Variants in AAK1 observed in about 807,000 individuals in gnomAD.
The protein encoded by AAK1 is AP2-associated protein kinase 1.
Under a neutral mutation model 116.0 loss-of-function variants are expected in AAK1, and 37 were observed. The observed-to-expected ratio is 0.32, with a 90% CI of 0.25 to 0.42. The LOEUF is 0.42. AAK1 is among the 10% of genes least tolerant of loss of function. The pLI is 1.00. For synonymous variants in AAK1, 458 were observed against 439.9 expected, an observed-to-expected ratio of 1.04 and a Z score of -0.51; for missense variants, 919 against 1,170.6, an observed-to-expected ratio of 0.79 and a Z score of 3.14.
At chr2:69,599,907 A>G (rs1291529911) in intron 2 of AAK1, among the ~76,000 whole-genome samples, 1 of 151,244 alleles carries the variant, frequency 6.6e-6, no homozygotes, top group Non-Finnish European at 1.5e-5. Context: ...CCTCCTGAAT[A>G]GTTGGAACTA....
intron 8 of AAK1, among the ~76,000 whole-genome samples, chr2:69,527,994 C>T (rs1461671297): frequency 6.6e-6 from 1 of 152,228 alleles, no homozygotes; most frequent in Non-Finnish European, 1.5e-5. Flanking sequence ...ATGCTCTGGA[C>T]ACTAAGTTCC....
chr2:69,504,397 C>CAA (rs57214954), intron 16 of AAK1, among the ~76,000 whole-genome samples: 2,032 of 57,530 alleles, frequency 0.035, 101 homozygotes, highest in African/African-American at 0.12. Context: ...GACTCCATCT[C>CAA]AAAAAAAAAA....
chr2:69,640,053 ACTCTCT>A (rs1177010194), intron 2 of AAK1, among the ~76,000 whole-genome samples: 34 of 92,732 alleles, frequency 3.7e-4, no homozygotes, highest in African/African-American at 5.9e-4. Flanking sequence ...ACACACACAC[ACTCTCT>A]CTCTCTCTCT....
intron 2 of AAK1, among the ~76,000 whole-genome samples, chr2:69,609,369 A>G (rs1673958089): frequency 6.6e-6 from 1 of 151,398 alleles, no homozygotes; most frequent in South Asian, 2.1e-4. Context: ...TCTCAAAACA[A>G]AAAGAGAATA....
intron 3 of AAK1, among the ~76,000 whole-genome samples, chr2:69,548,215 T>G (rs1367330666): frequency 2.6e-5 from 4 of 152,208 alleles, no homozygotes; most frequent in African/African-American, 9.7e-5. Flanking sequence ...CTGGACCGTA[T>G]GCTTTAAAAG....
At chr2:69,535,977 G>C (rs1303630860) in intron 5 of AAK1, among the ~76,000 whole-genome samples, 4 of 152,230 alleles carry the variant, frequency 2.6e-5, no homozygotes, top group Non-Finnish European at 5.9e-5. Context: ...GCCAGACACT[G>C]CTCCACGCGC....
chr2:69,473,381 G>C lies in AAK1; in HGVS notation c.*2488C>G. On this transcript the variant is annotated 3_prime_UTR_variant, in exon 22 of 22. Coordinates refer to ENST00000409085, the MANE Select transcript of AAK1 (RefSeq NM_014911.5). ...CTCAAATAAACTCTTTCAGCTCAGG[G>C]ATGATGCTCTAAACCAAGGAAGGCT... 1 of 985,458 alleles carries C rather than the reference G, an allele frequency of 1.0e-6. No homozygotes were observed. The highest frequency in any genetic ancestry group is 4.7e-5 in the South Asian group (1 of 21,286). The allele number at this position is 985,458 out of a possible 1,614,324, so 61.0% of individuals were successfully genotyped here. A position where few individuals can be genotyped will look rare whatever the true frequency, so the allele number is the denominator to read the frequency against.
At chr2:69,620,611 T>C (rs1326493280) in intron 2 of AAK1, among the ~76,000 whole-genome samples, 1 of 152,230 alleles carries the variant, frequency 6.6e-6, no homozygotes, top group African/African-American at 2.4e-5. Flanking sequence ...GTCTTTATCC[T>C]ACTTGACCTC....
At chr2:69,569,155 C>A (rs189763059) in intron 2 of AAK1, among the ~76,000 whole-genome samples, 2 of 152,276 alleles carry the variant, frequency 1.3e-5, no homozygotes, top group Admixed American at 6.5e-5. Flanking sequence ...TCATTAGTCC[C>A]TTCGAGCCAG....
intron 2 of AAK1, among the ~76,000 whole-genome samples, chr2:69,558,081 G>T (rs1023033484): frequency 6.6e-6 from 1 of 152,166 alleles, no homozygotes; most frequent in Non-Finnish European, 1.5e-5. Flanking sequence ...GGTGGCTCAT[G>T]CCTGTAATCC....
In AAK1 at chr2:69,472,660, G is replaced by GA. The variant is rs1282315733; in HGVS notation, c.*3208dup. The stretch of plus-strand genomic sequence containing the variant: ...GGGACTCATTTGAATGTTGTAAAGG[G>GA]AAAAATCAATTTGTCATGTTTTCTG... On this transcript the variant is annotated 3_prime_UTR_variant, in exon 22 of 22. Coordinates refer to ENST00000409085, the MANE Select transcript of AAK1 (RefSeq NM_014911.5). 1 of 985,234 alleles carries GA rather than the reference G, an allele frequency of 1.0e-6. No homozygotes were observed. The highest frequency in any genetic ancestry group is 1.7e-5 in the African/African-American group (1 of 57,208). 61.0% of individuals were successfully genotyped at this position (985,234 alleles called of 1,614,324 possible).
intron 17 of AAK1, among the ~76,000 whole-genome samples, chr2:69,494,794 A>T (rs1675674109): frequency 6.6e-6 from 1 of 152,184 alleles, no homozygotes; most frequent in African/African-American, 2.4e-5. Context: ...TTTAAGCTAC[A>T]TCCAGGTCCA....
chr2:69,505,522 A>C (rs755951560), intron 16 of AAK1, 47 bp downstream of exon 16: 1 of 1,497,874 alleles, frequency 6.7e-7, no homozygotes, highest in African/African-American at 1.4e-5. Context: ...AAACAGTGTG[A>C]AGGTAACAAC....
At chr2:69,559,245 ATCTATC>A (rs1374305753) in intron 2 of AAK1, among the ~76,000 whole-genome samples, 1 of 141,194 alleles carries the variant, frequency 7.1e-6, no homozygotes, top group Non-Finnish European at 1.5e-5. Context: ...TAGAGGTCTT[ATCTATC>A]TCTCTCTCTC....
chr2:69,621,021 A>G (rs1319840785), intron 2 of AAK1, among the ~76,000 whole-genome samples: 1 of 152,246 alleles, frequency 6.6e-6, no homozygotes, highest in Non-Finnish European at 1.5e-5. Context: ...TGGTGCGTCC[A>G]CCAGGGTGTA....
intron 17 of AAK1, among the ~76,000 whole-genome samples, chr2:69,487,939 G>A (rs1265301505): frequency 3.9e-5 from 6 of 151,906 alleles, no homozygotes; most frequent in African/African-American, 1.2e-4. Context: ...ATAGGCGCCT[G>A]CCACCACGCC....
At chr2:69,490,569 A>T (rs999264697) in intron 17 of AAK1, among the ~76,000 whole-genome samples, 1 of 152,176 alleles carries the variant, frequency 6.6e-6, no homozygotes, top group Non-Finnish European at 1.5e-5. Flanking sequence ...CAAAAGGACA[A>T]ATACTGTATG....
chr2:69,535,139 C>T (rs2105033540), intron 5 of AAK1, among the ~76,000 whole-genome samples: 1 of 152,320 alleles, frequency 6.6e-6, no homozygotes, highest in Middle Eastern at 3.4e-3. Context: ...TGTATGTGTG[C>T]ACTCGCTTTC....
chr2:69,625,932 C>T (rs1367830244), intron 2 of AAK1, among the ~76,000 whole-genome samples: 2 of 152,136 alleles, frequency 1.3e-5, no homozygotes, highest in African/African-American at 4.8e-5. Context: ...TCCAATTCAA[C>T]TCCATTCACA....
Sources: allele counts gnomAD v4.1 joint callset (sites outside exome capture counted in the v4.1 genomes callset), GRCh38; gene constraint gnomAD v4.1.1; transcripts MANE v1.5; gene names NCBI Gene and HGNC (gene_info 2026-07-23, HGNC 2026-07-21).